The following PRKCD variants were observed in gnomAD, a reference collection of about 807,000 sequenced individuals.
PRKCD encodes the protein protein kinase C delta, also known as protein kinase C delta type.
A neutral mutation model predicts 82.2 loss-of-function variants in PRKCD; 20 were observed. That is an observed-to-expected ratio of 0.24 (90% CI 0.17 to 0.35). The LOEUF is 0.35. Among genes scored for constraint, PRKCD ranks in the 10% least tolerant of loss-of-function variants. The pLI is 1.00. For missense variants in PRKCD, 607 were observed against 899.0 expected, an observed-to-expected ratio of 0.68 and a Z score of 4.15; for synonymous variants, 317 against 337.0, an observed-to-expected ratio of 0.94 and a Z score of 0.65.
intron 18 of PRKCD, 150 bp downstream of exon 18, chr3:53,190,151 A>C: frequency 4.7e-5 from 54 of 1,160,152 alleles, no homozygotes; most frequent in Non-Finnish European, 6.1e-5. Flanking sequence ...TTGTATTCTC[A>C]TCCTCTCCCT....
intron 3 of PRKCD, among the ~76,000 whole-genome samples, chr3:53,179,007 C>G (rs1703322600): frequency 6.6e-6 from 1 of 152,214 alleles, no homozygotes; most frequent in Non-Finnish European, 1.5e-5. Context: ...TACCTCACAT[C>G]ATTCCCTCTT....
intron 15 of PRKCD, among the ~76,000 whole-genome samples, chr3:53,187,985 G>A (rs1019630991): frequency 2.6e-5 from 4 of 151,912 alleles, no homozygotes; most frequent in African/African-American, 4.8e-5. Flanking sequence ...TCAGGAGTTC[G>A]AGACCAGCCT....
intron 2 of PRKCD, among the ~76,000 whole-genome samples, chr3:53,175,077 G>A (rs1009774492): frequency 1.3e-5 from 2 of 152,060 alleles, no homozygotes; most frequent in Non-Finnish European, 2.9e-5. Flanking sequence ...GGCAGGCCGG[G>A]GGTAGGGGAA....
chr3:53,187,298 C>T (rs372629606), intron 14 of PRKCD, 42 bp from the exon 15 acceptor site: 158 of 1,610,796 alleles, frequency 9.8e-5, no homozygotes, highest in Non-Finnish European at 1.1e-4. Context: ...AGAGGCTGCT[C>T]GGCAGAGATC....
chr3:53,182,987 C>T (rs923875489), intron 7 of PRKCD, 134 bp from the exon 8 acceptor site: 21 of 822,262 alleles, frequency 2.6e-5, no homozygotes, highest in Non-Finnish European at 3.4e-5. Context: ...TGGGCCTCTG[C>T]GGGGTGAGGG....
At position 53,192,275 on chromosome 3, in the gene PRKCD, G is replaced by A; in HGVS notation, c.*9G>A. The A allele has an allele frequency of 9.3e-6, 15 of 1,613,880 alleles. No individual in the cohort carries two copies. The highest frequency in any genetic ancestry group is 1.3e-5 in the Non-Finnish European group (15 of 1,179,936). On this transcript the variant is annotated 3_prime_UTR_variant, in exon 19 of 19. Coordinates refer to ENST00000330452, the MANE Select transcript of PRKCD (RefSeq NM_006254.4). The stretch of plus-strand genomic sequence containing the variant: ...ACCTCCTGGAAGATTGAGGTTCCTG[G>A]ACAGATCAGGCTAGCCCTGCCCTCC...
chr3:53,179,350 C>T, intron 3 of PRKCD: 1 of 669,914 alleles, frequency 1.5e-6, no homozygotes, highest in Non-Finnish European at 2.7e-6. Context: ...TTAAATGGAG[C>T]TGGAGCAAGA....
At chr3:53,187,714 C>T (rs1413644899) in intron 15 of PRKCD, among the ~76,000 whole-genome samples, 7 of 152,170 alleles carry the variant, frequency 4.6e-5, no homozygotes, top group Non-Finnish European at 8.8e-5. Context: ...GAAGGGACTC[C>T]TTCCATAAAG....
In PRKCD at chr3:53,192,397, G is replaced by A. The variant is rs1289177239; in HGVS notation, c.*131G>A. ...TGCCCCCAGAGCGTCCTTGGCTGCC[G>A]TCTGGCCGGGCTCTCATGGTACTTC... On this transcript the variant is annotated 3_prime_UTR_variant, in exon 19 of 19. Transcript: ENST00000330452. 21 of 1,077,550 alleles carry A rather than the reference G, an allele frequency of 1.9e-5. No homozygotes were observed. Among genetic ancestry groups the A allele is most frequent in the African/African-American group, 1.1e-4 (7 of 63,628 alleles). The allele number at this position is 1,077,550 out of a possible 1,614,324, so 66.7% of individuals were successfully genotyped here.
In PRKCD at chr3:53,183,418, C is replaced by T. The variant is rs782170582; in HGVS notation, c.658-34C>T. 1.7e-5 allele frequency: 28 copies of T among 1,612,096 alleles called. No individual in the cohort carries two copies. In the East Asian group the frequency reaches 2.5e-4, roughly 14 times the overall value. On this transcript the variant is annotated intron_variant, in intron 8 of 18. Transcript: ENST00000330452. Reference sequence around the variant, plus strand: ...GTTGAAGAAGAGGCTGGAGCTGGCACGTGACCCTCAGCCTGTGATACCCCC... The same window carrying T: ...GTTGAAGAAGAGGCTGGAGCTGGCATGTGACCCTCAGCCTGTGATACCCCC...
chr3:53,186,293 G>T lies in PRKCD; in HGVS notation c.1213G>T (p.Ala405Ser), dbSNP rs150331740. 4 of 1,614,154 alleles carry T rather than the reference G, an allele frequency of 2.5e-6. No individual in the cohort carries two copies. The highest frequency in any genetic ancestry group is 1.7e-5 in the Admixed American group (1 of 60,026). Residue 405 changes from alanine to serine, a missense_variant, in exon 13 of 19, where the codon GCA becomes TCA. Around this residue, in one of 5 missense-constraint regions of PRKCD, gnomAD observed 251 missense variants for 423.9 expected, o/e 0.59. Coordinates refer to ENST00000330452, the MANE Select transcript of PRKCD (RefSeq NM_006254.4). ...MVEKRVLTLA[A>S]ENPFLTHLIC... is the part of the protein sequence containing the mutation. ...TGAGAAGCGGGTGCTGACACTTGCC[G>T]CAGAGAATCCCTTTCTCACCCACCT...
chr3:53,168,412 G>A (rs373553040), intron 2 of PRKCD, among the ~76,000 whole-genome samples: 196 of 152,282 alleles, frequency 1.3e-3, no homozygotes, highest in Middle Eastern at 6.8e-3. Context: ...GGACAGTGAT[G>A]CAAACAGCAG....
rs183761907 is a variant in PRKCD, at chr3:53,169,199, G to T, written c.-20+3984G>T. ...TGAGGAGCGCTGGGAGGGGAACGGC[G>T]GGGGACTGGTGTGGGCAGGCTTGAG... On this transcript the variant is annotated intron_variant, in intron 2 of 18. Transcript: ENST00000330452. The surrounding 1 kb of genome is among the most constrained non-coding windows in gnomAD (Gnocchi z 4.7). Among the ~76,000 whole-genome samples, 1 of 152,092 alleles carries T rather than the reference G, an allele frequency of 6.6e-6. No individual in the cohort carries two copies. The highest frequency in any genetic ancestry group is 1.5e-5 in the Non-Finnish European group (1 of 68,012).
intron 7 of PRKCD, 146 bp downstream of exon 7, chr3:53,181,878 T>C (rs1703457507): frequency 8.2e-7 from 1 of 1,222,986 alleles, no homozygotes; most frequent in Non-Finnish European, 1.2e-6. Context: ...CTGAGTTCAG[T>C]GAGTGCTGGG....
Position 53,179,565 on chromosome 3 carries a change from G to C in PRKCD, c.116-12G>C. ...GCCATGGCCCAACCTTCTCTGCCTG[G>C]CCTTGTTGCAGAGCGTGGGAAAACA... On this transcript the variant is annotated splice_polypyrimidine_tract_variant and intron_variant, in intron 3 of 18. Transcript: ENST00000330452. 1.2e-6 allele frequency: 2 copies of C among 1,614,136 alleles called. No homozygotes were observed. Among genetic ancestry groups the C allele is most frequent in the Non-Finnish European group, 1.7e-6 (2 of 1,180,002 alleles).
intron 2 of PRKCD, among the ~76,000 whole-genome samples, chr3:53,171,439 A>C (rs1703027012): frequency 6.6e-6 from 1 of 152,204 alleles, no homozygotes; most frequent in African/African-American, 2.4e-5. Context: ...CTGACCCCTC[A>C]GATCGAAGGC....
chr3:53,179,380 C>T, intron 3 of PRKCD, 197 bp from the exon 4 acceptor site: 4 of 741,790 alleles, frequency 5.4e-6, no homozygotes, highest in Admixed American at 3.6e-5. Flanking sequence ...GAAGAGGGAA[C>T]AGCAGGAACA....
intron 1 of PRKCD, among the ~76,000 whole-genome samples, chr3:53,163,852 A>G (rs1553663442): frequency 6.6e-6 from 1 of 152,134 alleles, no homozygotes; most frequent in Non-Finnish European, 1.5e-5. Flanking sequence ...AGCCCTGTTC[A>G]GCCTGCATGA....
At chr3:53,178,147 AG>A (rs1553666274) in intron 2 of PRKCD, among the ~76,000 whole-genome samples, 1 of 152,114 alleles carries the variant, frequency 6.6e-6, no homozygotes, top group Non-Finnish European at 1.5e-5. Flanking sequence ...CATGTTGGTC[AG>A]GCTGGTCTCA....
Sources: allele counts gnomAD v4.1 joint callset (sites outside exome capture counted in the v4.1 genomes callset), GRCh38; gene constraint gnomAD v4.1.1; regional missense constraint gnomAD v4.1.1; non-coding constraint Gnocchi (gnomAD v3.1); transcripts MANE v1.5; gene names NCBI Gene and HGNC (gene_info 2026-07-23, HGNC 2026-07-21).